Variants in ARHGEF11 observed in about 807,000 individuals in gnomAD.
ARHGEF11 encodes the protein Rho guanine nucleotide exchange factor 11, also known as Rho guanine exchange factor (GEF) 11.
Under a neutral mutation model 193.7 loss-of-function variants are expected in ARHGEF11, and 55 were observed. The observed-to-expected ratio is 0.28, with a 90% CI of 0.23 to 0.36. ARHGEF11 has a LOEUF of 0.36. ARHGEF11 is among the 10% of genes least tolerant of loss of function. The probability of loss-of-function intolerance (pLI) is 1.00; values close to 1 mark genes in which losing one functional copy is unlikely to be tolerated. For missense variants in ARHGEF11, 1,723 were observed against 2,005.6 expected (o/e 0.86, Z 2.69); for synonymous variants, 693 against 768.0 (o/e 0.90, Z 1.62).
At chr1:156,965,680 A>C (rs1338780771) in intron 11 of ARHGEF11, among the ~76,000 whole-genome samples, 2 of 152,122 alleles carry the variant, frequency 1.3e-5, no homozygotes, top group African/African-American at 4.8e-5. Context: ...TTTTTTGTGA[A>C]TTTGGCAGCC....
chr1:157,013,299 A>ACACACACACACACACACCCC (rs534893600), intron 1 of ARHGEF11, among the ~76,000 whole-genome samples: 5 of 148,622 alleles, frequency 3.4e-5, no homozygotes, highest in Admixed American at 3.4e-4. Context: ...ACACACACAC[A>ACACACACACACACACACCCC]CCAAGAACCT....
rs767503749 is a variant in ARHGEF11 at position 156,959,106 on chromosome 1, A to C, written c.1319T>G (p.Val440Gly). 6.2e-7 allele frequency: 1 copy of C among 1,614,182 alleles called. No homozygotes were observed. The highest frequency in any genetic ancestry group is 8.5e-7 in the Non-Finnish European group (1 of 1,180,042). ...RLRNSEDARG[V>G]LCEAQEAAMP... ...GGCTGCCTCTTGAGCTTCACAGAGA[A>C]CACCACGGGCATCTTCGCTGTTCCG... The change falls in exon 16 of 41, where the codon GTT becomes GGT. Residue 440 changes from valine (V) to glycine (G), a missense_variant. Around this residue, in one of 5 missense-constraint regions of ARHGEF11, gnomAD observed 646 missense variants for 710.7 expected, o/e 0.91. Coordinates refer to ENST00000368194, the MANE Select transcript of ARHGEF11 (RefSeq NM_198236.3).
chr1:156,967,764 C>T, intron 11 of ARHGEF11: 1 of 612,474 alleles, frequency 1.6e-6, no homozygotes, highest in Non-Finnish European at 2.9e-6. Flanking sequence ...TGCATTCACC[C>T]ACTCTCCACA....
rs1445213337 is a variant in ARHGEF11 at position 157,044,313 on chromosome 1, G to A, written c.18C>T (p.Pro6=). MSVRL[P]QSIDRLSSLS... is the part of the protein sequence containing the mutation. The stretch of plus-strand genomic sequence containing the variant: ...AGCAAACCTACCTGTCTATACTCTG[G>A]GGTAACCTTACACTCATGGTTTCTC... The change falls in exon 1 of 41, where the codon CCC becomes CCT. Residue 6 remains proline, a synonymous_variant. Transcript: ENST00000368194. 1.2e-6 allele frequency: 2 copies of A among 1,613,020 alleles called. No individual in the cohort carries two copies. Among genetic ancestry groups the A allele is most frequent in the Non-Finnish European group, 1.7e-6 (2 of 1,179,774 alleles).
At chr1:156,994,616 T>A (rs751410084) in intron 1 of ARHGEF11, among the ~76,000 whole-genome samples, 1 of 152,076 alleles carries the variant, frequency 6.6e-6, no homozygotes, top group South Asian at 2.1e-4. Context: ...GGCAGACAGG[T>A]GTGTGTGGAG....
chr1:156,959,230 G>A, intron 15 of ARHGEF11, 88 bp from the exon 16 acceptor site: 1 of 1,120,818 alleles, frequency 8.9e-7, no homozygotes, highest in Non-Finnish European at 1.3e-6. Context: ...AGGCATTTCA[G>A]CTCCCTATGA....
chr1:157,012,951 C>A (rs935938852), intron 1 of ARHGEF11, among the ~76,000 whole-genome samples: 2 of 152,128 alleles, frequency 1.3e-5, no homozygotes, highest in Non-Finnish European at 2.9e-5. Context: ...AGGGCACAAG[C>A]CAGATTTCCC....
chr1:156,959,924 AC>A (rs752001490), intron 15 of ARHGEF11, among the ~76,000 whole-genome samples: 6 of 77,062 alleles, frequency 7.8e-5, no homozygotes, highest in African/African-American at 1.1e-4. Flanking sequence ...AACAAAAATA[AC>A]CCCCCCTCCC....
chr1:156,947,724 C>A (rs1489241209), intron 25 of ARHGEF11, 45 bp downstream of exon 25: 4 of 1,599,708 alleles, frequency 2.5e-6, no homozygotes, highest in South Asian at 1.1e-5. Flanking sequence ...TGGACCTATT[C>A]CCACACGTGT....
intron 13 of ARHGEF11, among the ~76,000 whole-genome samples, chr1:156,962,609 T>A (rs1661054358): frequency 6.6e-6 from 1 of 152,046 alleles, no homozygotes; most frequent in South Asian, 2.1e-4. Context: ...CCGGGCGTGG[T>A]GGCTCATGCC....
chr1:156,940,922 G>A (rs1417339987), intron 35 of ARHGEF11, among the ~76,000 whole-genome samples: 3 of 152,158 alleles, frequency 2.0e-5, no homozygotes, highest in Admixed American at 6.5e-5. Flanking sequence ...TATTTCTCAC[G>A]CAAGCTCTCA....
rs1274523832 is a variant in ARHGEF11 at position 156,960,562 on chromosome 1, C to T, written c.1240-102G>A. On this transcript the variant is annotated intron_variant, in intron 14 of 40. Transcript: ENST00000368194. Reference sequence around the variant, plus strand: ...GGGCTTGGCCACATGAACTTCTTGCCTTTTCGCCTACATCTGCCTACCATC... The same window carrying T: ...GGGCTTGGCCACATGAACTTCTTGCTTTTTCGCCTACATCTGCCTACCATC... 6 of 1,055,712 alleles carry T rather than the reference C, an allele frequency of 5.7e-6. No homozygotes were observed. In the South Asian group the frequency reaches 6.9e-5, roughly 12 times the overall value. The allele number at this position is 1,055,712 out of a possible 1,614,324, so 65.4% of individuals were successfully genotyped here.
chr1:157,035,817 T>TATAGGAATATATATAC (rs1557990316), intron 1 of ARHGEF11, among the ~76,000 whole-genome samples: 6 of 592 alleles, frequency 0.01, no homozygotes, highest in Non-Finnish European at 0.021. Context: ...AATATATATA[T>TATAGGAATATATATAC]AGGAATATAT....
chr1:157,036,503 G>A (rs949906240), intron 1 of ARHGEF11, among the ~76,000 whole-genome samples: 4 of 151,990 alleles, frequency 2.6e-5, no homozygotes, highest in African/African-American at 7.2e-5. Flanking sequence ...TGTATCTTTA[G>A]TAGAGACGGG....
At chr1:156,961,916 GGTACAGCCCAGTGATGCA>G (rs1660919619) in intron 13 of ARHGEF11, 141 bp from the exon 14 acceptor site, 1 of 665,264 alleles carries the variant, frequency 1.5e-6, no homozygotes. Context: ...GCATCTAGTG[GGTACAGCCCAGTGATGCA>G]GCCATATTTC....
intron 22 of ARHGEF11, 47 bp downstream of exon 22, chr1:156,951,526 T>C (rs375600320): frequency 1.9e-5 from 31 of 1,609,176 alleles, no homozygotes; most frequent in Non-Finnish European, 2.5e-5. Flanking sequence ...GCCCTGCCCA[T>C]GACCCACTCT....
chr1:156,936,505 T>A lies in ARHGEF11; in HGVS notation c.4630+311A>T, dbSNP rs1333997533. Among the ~76,000 whole-genome samples, 65 of 115,458 alleles carry A rather than the reference T, an allele frequency of 5.6e-4. 2 individuals carry two copies. The highest frequency in any genetic ancestry group is 2.6e-3 in the African/African-American group (58 of 22,396). The allele number at this position is 115,458 out of a possible 152,430, so 75.7% of individuals were successfully genotyped here. ...GAAAAAAAAAAAAAAAAAATATATA[T>A]ATATATATATATATATATATAAAAT... On this transcript the variant is annotated intron_variant, in intron 40 of 40. Transcript: ENST00000368194.
chr1:156,988,822 C>T (rs1289541788), intron 1 of ARHGEF11, among the ~76,000 whole-genome samples: 1 of 151,966 alleles, frequency 6.6e-6, no homozygotes, highest in Non-Finnish European at 1.5e-5. Context: ...TTTCTGAGAG[C>T]TTAAAGGAGA....
rs201599961 is a variant in ARHGEF11 at position 156,960,499 on chromosome 1, G to A, written c.1240-39C>T. ...GTGTGGAGCAGAAGCAGTCAGGTCT[G>A]CACACTCCAGGGAGATGAGCAGTGT... On this transcript the variant is annotated intron_variant, in intron 14 of 40. Transcript: ENST00000368194. 8 of 1,607,174 alleles carry A rather than the reference G, an allele frequency of 5.0e-6. No individual in the cohort carries two copies. The African/African-American group carries it at 9.3e-5, about 19-fold the overall frequency.
Sources: gnomAD v4.1 joint callset for allele counts (sites outside exome capture counted in the v4.1 genomes callset) on GRCh38, gnomAD v4.1.1 for gene constraint, gnomAD v4.1.1 regional missense constraint, MANE v1.5 for transcripts, NCBI Gene and HGNC (gene_info 2026-07-23, HGNC 2026-07-21) for gene names.